Variants in ERBB4 observed in about 807,000 individuals in gnomAD.
ERBB4 encodes erb-b2 receptor tyrosine kinase 4.
ERBB4 carries 42 observed loss-of-function variants against 158.0 expected under a neutral mutation model. That is an observed-to-expected ratio of 0.27 (90% CI 0.21 to 0.34). ERBB4 has a LOEUF of 0.34. ERBB4 is among the 10% of genes least tolerant of loss of function. The pLI is 1.00. For missense variants in ERBB4, 1,333 were observed against 1,624.1 expected (o/e 0.82, Z 3.08); for synonymous variants, 583 against 558.7 (o/e 1.04, Z -0.61).
chr2:211,636,797 G>C (rs1354587667), intron 16 of ERBB4, among the ~76,000 whole-genome samples: 1 of 151,850 alleles, frequency 6.6e-6, no homozygotes, highest in East Asian at 1.9e-4. Flanking sequence ...CTATGAAAGG[G>C]AATAATTCTA....
intron 20 of ERBB4, among the ~76,000 whole-genome samples, chr2:211,499,129 C>G (rs2065550535): frequency 6.6e-6 from 1 of 152,116 alleles, no homozygotes; most frequent in Admixed American, 6.5e-5. Context: ...CCTCCTCATA[C>G]TCAATATTCC....
rs75310386 is a variant in ERBB4 at position 212,414,526 on chromosome 2, C to A, written c.82+123923G>T. On this transcript the variant is annotated intron_variant, in intron 1 of 27. Transcript: ENST00000342788. Reference sequence around the variant, plus strand: ...ACTGTTTCATTCTAAAATCTCAGGGCTTTTCTAATGTGACAGGCTTAACGA... The same window carrying A: ...ACTGTTTCATTCTAAAATCTCAGGGATTTTCTAATGTGACAGGCTTAACGA... Among the ~76,000 whole-genome samples, 1,215 of 152,124 alleles carry A rather than the reference C, an allele frequency of 8.0e-3. 10 individuals carry two copies. Among genetic ancestry groups the A allele is most frequent in the Middle Eastern group, 0.017 (5 of 294 alleles).
chr2:212,446,591 G>GTATGTATGTATATA (rs1303302858), intron 1 of ERBB4, among the ~76,000 whole-genome samples: 1 of 27,518 alleles, frequency 3.6e-5, no homozygotes, highest in Non-Finnish European at 5.9e-5. Context: ...ATATATATAT[G>GTATGTATGTATATA]TATATATATA....
At chr2:211,600,475 G>GA (rs2068766736) in intron 19 of ERBB4, among the ~76,000 whole-genome samples, 1 of 152,026 alleles carries the variant, frequency 6.6e-6, no homozygotes, top group Admixed American at 6.6e-5. Flanking sequence ...TTTCCATCAG[G>GA]AAAAAATAGG....
intron 2 of ERBB4, among the ~76,000 whole-genome samples, chr2:212,034,520 G>A (rs1470553290): frequency 6.6e-6 from 1 of 151,850 alleles, no homozygotes; most frequent in Non-Finnish European, 1.5e-5. Flanking sequence ...AAAGTGATCC[G>A]TACAATAATT....
At position 212,452,013 on chromosome 2, in the gene ERBB4, T is replaced by G. The variant is rs1382958347; in HGVS notation, c.82+86436A>C. Among the ~76,000 whole-genome samples, 5 of 151,830 alleles carry G rather than the reference T, an allele frequency of 3.3e-5. No homozygotes were observed. In the East Asian group the frequency reaches 7.7e-4, roughly 23 times the overall value. On this transcript the variant is annotated intron_variant, in intron 1 of 27. Coordinates refer to ENST00000342788, the MANE Select transcript of ERBB4 (RefSeq NM_005235.3). ...GCATGGCTTGTGAGTGTGCAGGTTT[T>G]TTTTTTTTTTTTTCCAGATATTTAT... is the stretch of plus-strand genomic sequence containing the variant.
rs139108506 is a variant in ERBB4, at chr2:211,884,478, T to A, written c.421+62952A>T. Among the ~76,000 whole-genome samples the A allele has an allele frequency of 1.1e-3, 171 of 152,234 alleles. 1 individual carries two copies. Among genetic ancestry groups the A allele is most frequent in the African/African-American group, 3.9e-3 (163 of 41,546 alleles). On this transcript the variant is annotated intron_variant, in intron 3 of 27. Coordinates refer to ENST00000342788, the MANE Select transcript of ERBB4 (RefSeq NM_005235.3). ...TCATCATATATGAATTCCCTAGGTT[T>A]TGTTCTTTTGTTCAAGCTAAGTTCC...
At chr2:212,194,291 TACACACACACAC>T (rs5838307) in intron 1 of ERBB4, among the ~76,000 whole-genome samples, 6 of 148,728 alleles carry the variant, frequency 4.0e-5, no homozygotes, top group Non-Finnish European at 8.9e-5. Flanking sequence ...AAATAGTTTA[TACACACACACAC>T]ACACACACAC....
Position 211,878,657 on chromosome 2 carries a change from G to GTTTTTTT in ERBB4, c.421+68766_421+68772dup, listed in dbSNP as rs56379006. Among the ~76,000 whole-genome samples the GTTTTTTT allele has an allele frequency of 2.4e-4, 32 of 133,864 alleles. 3 individuals carry two copies. The highest frequency in any genetic ancestry group is 6.7e-4 in the South Asian group (3 of 4,452). 87.8% of individuals were successfully genotyped at this position (133,864 alleles called of 152,430 possible). A position where few individuals can be genotyped will look rare whatever the true frequency, so the allele number is the denominator to read the frequency against. ...AAAAAATTAAGACAAATTAAGTTTTGTTTTTTTTTTTTTCCTTGAGATGGA... is the reference window on the plus strand; with the variant it reads ...AAAAAATTAAGACAAATTAAGTTTTGTTTTTTTTTTTTTTTTTTTTCCTTGAGATGGA... On this transcript the variant is annotated intron_variant, in intron 3 of 27. Coordinates refer to ENST00000342788, the MANE Select transcript of ERBB4 (RefSeq NM_005235.3).
chr2:211,942,808 A>G (rs2080542550), intron 3 of ERBB4, among the ~76,000 whole-genome samples: 1 of 152,164 alleles, frequency 6.6e-6, no homozygotes, highest in South Asian at 2.1e-4. Flanking sequence ...GTATCATCCC[A>G]AATATCGCCT....
At chr2:211,840,440 T>C (rs994803414) in intron 3 of ERBB4, among the ~76,000 whole-genome samples, 2 of 152,092 alleles carry the variant, frequency 1.3e-5, no homozygotes, top group Non-Finnish European at 2.9e-5. Context: ...TACTCTCACT[T>C]GTAACGTTTG....
chr2:211,473,608 T>C (rs2064883704), intron 20 of ERBB4, among the ~76,000 whole-genome samples: 1 of 152,046 alleles, frequency 6.6e-6, no homozygotes, highest in Admixed American at 6.6e-5. Context: ...AAGGATTAGA[T>C]CTATAGCCAT....
intron 19 of ERBB4, among the ~76,000 whole-genome samples, chr2:211,608,284 A>C (rs1268221743): frequency 6.6e-6 from 1 of 152,120 alleles, no homozygotes; most frequent in African/African-American, 2.4e-5. Flanking sequence ...ACTCAGAAGA[A>C]ACAAAACTTT....
chr2:211,868,492 T>A (rs1002446175), intron 3 of ERBB4, among the ~76,000 whole-genome samples: 1 of 152,176 alleles, frequency 6.6e-6, no homozygotes, highest in South Asian at 2.1e-4. Context: ...CCTTTTAAAC[T>A]AGATGGCATA....
At chr2:212,258,837 A>C (rs1220038612) in intron 1 of ERBB4, among the ~76,000 whole-genome samples, 1 of 151,962 alleles carries the variant, frequency 6.6e-6, no homozygotes, top group Non-Finnish European at 1.5e-5. Flanking sequence ...TAAATACTAA[A>C]AGCTTTTGTA....
chr2:211,897,670 C>T (rs907356268), intron 3 of ERBB4, among the ~76,000 whole-genome samples: 4 of 151,954 alleles, frequency 2.6e-5, no homozygotes, highest in Admixed American at 6.6e-5. Context: ...CTTAAAGATA[C>T]CTTTTATCTA....
rs544666024 is a variant in ERBB4 at position 211,470,199 on chromosome 2, T to C, written c.2488-39099A>G. On this transcript the variant is annotated intron_variant, in intron 20 of 27. Coordinates refer to ENST00000342788, the MANE Select transcript of ERBB4 (RefSeq NM_005235.3). ...GAAGTACGTCCCACACTAATATTAA[T>C]GGTACAATGGTAGTAGGAACAGAAT... 5.9e-5 allele frequency among the ~76,000 whole-genome samples: 9 copies of C among 152,222 alleles called. No individual in the cohort carries two copies. The East Asian group carries it at 1.7e-3, about 29-fold the overall frequency.
At chr2:212,039,879 AATCCATGTCATTCC>A (rs2077097934) in intron 2 of ERBB4, among the ~76,000 whole-genome samples, 1 of 152,148 alleles carries the variant, frequency 6.6e-6, no homozygotes. Flanking sequence ...AAAAAGGAGG[AATCCATGTCATTCC>A]AACCATAGTC....
chr2:212,167,871 T>A (rs1327587628), intron 1 of ERBB4, among the ~76,000 whole-genome samples: 2 of 151,996 alleles, frequency 1.3e-5, no homozygotes, highest in African/African-American at 4.8e-5. Flanking sequence ...TTCTCACTCA[T>A]AAGTGGGAGT....
Sources: allele counts gnomAD v4.1 joint callset (sites outside exome capture counted in the v4.1 genomes callset), GRCh38; gene constraint gnomAD v4.1.1; transcripts MANE v1.5; gene names NCBI Gene and HGNC (gene_info 2026-07-23, HGNC 2026-07-21).